TOPAZ1: variants seen among roughly 807,000 people sequenced by gnomAD.
TOPAZ1 encodes protein TOPAZ1.
Under a neutral mutation model 172.2 loss-of-function variants are expected in TOPAZ1, and 66 were observed. That is an observed-to-expected ratio of 0.38 (90% CI 0.31 to 0.47). TOPAZ1 has a LOEUF of 0.47. Among genes scored for constraint, TOPAZ1 ranks in the 20% least tolerant of loss-of-function variants. The pLI, the probability that TOPAZ1 is intolerant of heterozygous loss-of-function variation, is 0.99. For synonymous variants in TOPAZ1, 681 were observed against 683.9 expected (o/e 1.00, Z 0.07); for missense variants, 1,822 against 1,972.4 (o/e 0.92, Z 1.44).
intron 7 of TOPAZ1, among the ~76,000 whole-genome samples, chr3:44,269,900 G>A (rs9874132): frequency 0.83 from 125,808 of 151,938 alleles, 52,138 homozygotes; most frequent in Middle Eastern, 0.9. Flanking sequence ...AAAGGATTAC[G>A]GGCGTGAGCC....
Position 44,244,018 on chromosome 3 carries a change from C to T in TOPAZ1, c.1512C>T (p.Ala504=). ...WPYYSCARIS[A]WCWKKASLPE... is the part of the protein sequence containing the mutation. ...ATTATTCATGTGCTAGAATATCTGC[C>T]TGGTGTTGGAAAAAGGCTTCCTTGC... The change falls in exon 2 of 20, where the codon GCC becomes GCT. Residue 504 remains alanine (A), a synonymous_variant. Coordinates refer to ENST00000309765, the MANE Select transcript of TOPAZ1 (RefSeq NM_001145030.2). The T allele has an allele frequency of 6.4e-7, 1 of 1,552,080 alleles. No individual in the cohort carries two copies. The highest frequency in any genetic ancestry group is 8.7e-7 in the Non-Finnish European group (1 of 1,147,056).
At chr3:44,310,340 A>G (rs553557005) in intron 16 of TOPAZ1, among the ~76,000 whole-genome samples, 3 of 152,252 alleles carry the variant, frequency 2.0e-5, no homozygotes, top group South Asian at 2.1e-4. Context: ...CTCTACTAAA[A>G]GTACAAAAAT....
chr3:44,257,352 GGTGTGTGTGTGTGTGTGT>G (rs59827431), intron 4 of TOPAZ1, among the ~76,000 whole-genome samples: 9,797 of 110,270 alleles, frequency 0.089, 488 homozygotes, highest in Middle Eastern at 0.18. Flanking sequence ...AAAACATAGG[GGTGTGTGTGTGTGTGTGT>G]GTGTGTGTGT....
At chr3:44,289,030 G>C (rs1700107762) in intron 11 of TOPAZ1, among the ~76,000 whole-genome samples, 1 of 152,150 alleles carries the variant, frequency 6.6e-6, no homozygotes, top group African/African-American at 2.4e-5. Context: ...AAATATCACT[G>C]AGAAAAGATA....
chr3:44,269,129 C>A, intron 6 of TOPAZ1, 87 bp from the exon 7 acceptor site: 1 of 760,070 alleles, frequency 1.3e-6, no homozygotes, highest in Non-Finnish European at 2.3e-6. Context: ...AACTTTAAAG[C>A]AGATAGTAGT....
chr3:44,315,200 C>CATGTGTGTGTGTGTGT (rs1255094658), intron 16 of TOPAZ1, among the ~76,000 whole-genome samples: 3 of 150,096 alleles, frequency 2.0e-5, no homozygotes, highest in African/African-American at 7.4e-5. Flanking sequence ...TTTGAAAGAA[C>CATGTGTGTGTGTGTGT]GTGTGTGTGT....
rs189944135 is a variant in TOPAZ1, at chr3:44,305,675, G to A, written c.4039+354G>A. Among the ~76,000 whole-genome samples, 57 of 151,946 alleles carry A rather than the reference G, an allele frequency of 3.8e-4. 1 individual carries two copies. Among genetic ancestry groups the A allele is most frequent in the African/African-American group, 1.3e-3 (52 of 41,462 alleles). Reference sequence around the variant, plus strand: ...ATAAGTCACAGCTCGGCCAGTGGCAGTGTTCTTAACAAGAATGTAAAACTA... The same window carrying A: ...ATAAGTCACAGCTCGGCCAGTGGCAATGTTCTTAACAAGAATGTAAAACTA... On this transcript the variant is annotated intron_variant, in intron 14 of 19. Transcript: ENST00000309765.
chr3:44,284,815 A>G (rs1700060540), intron 9 of TOPAZ1, among the ~76,000 whole-genome samples: 1 of 152,230 alleles, frequency 6.6e-6, no homozygotes, highest in Non-Finnish European at 1.5e-5. Context: ...TTTCTTTTAA[A>G]TCAGATTTTT....
Position 44,318,454 on chromosome 3 carries a change from AAAAAC to A in TOPAZ1, c.4307-2562_4307-2558del, listed in dbSNP as rs547847352. On this transcript the variant is annotated intron_variant, in intron 16 of 19. Transcript: ENST00000309765. The stretch of plus-strand genomic sequence containing the variant: ...GTGACAGACTGAGACTCCATCTCAA[AAAAAC>A]AAAACAAAACCCTACTGAGGGCCAC... Among the ~76,000 whole-genome samples, 1,076 of 150,746 alleles carry A rather than the reference AAAAAC, an allele frequency of 7.1e-3. 19 individuals carry two copies. Among genetic ancestry groups the A allele is most frequent in the African/African-American group, 0.024 (989 of 40,810 alleles).
intron 8 of TOPAZ1, 42 bp downstream of exon 8, chr3:44,270,852 A>G (rs1409034359): frequency 6.7e-7 from 1 of 1,496,178 alleles, no homozygotes; most frequent in South Asian, 1.4e-5. Flanking sequence ...TGTTTTAATA[A>G]CTATCTCAGT....
chr3:44,272,422 T>G (rs965948230), intron 8 of TOPAZ1, among the ~76,000 whole-genome samples: 1 of 152,242 alleles, frequency 6.6e-6, no homozygotes, highest in African/African-American at 2.4e-5. Flanking sequence ...TTGTTTGTCT[T>G]TTTGATAATA....
At chr3:44,324,066 T>G (rs946996525) in intron 18 of TOPAZ1, among the ~76,000 whole-genome samples, 5 of 152,140 alleles carry the variant, frequency 3.3e-5, no homozygotes, top group African/African-American at 1.2e-4. Flanking sequence ...GCTGGAAGTG[T>G]TTTTCAGGTG....
At chr3:44,256,964 A>C (rs1021403423) in intron 4 of TOPAZ1, among the ~76,000 whole-genome samples, 3 of 151,978 alleles carry the variant, frequency 2.0e-5, no homozygotes, top group Non-Finnish European at 4.4e-5. Flanking sequence ...TTGATCTTTT[A>C]CTTCCACTAT....
chr3:44,303,082 C>T (rs1015381299), intron 12 of TOPAZ1, among the ~76,000 whole-genome samples: 3 of 152,220 alleles, frequency 2.0e-5, no homozygotes, highest in Admixed American at 6.5e-5. Flanking sequence ...ATCTGCCCAA[C>T]TCGGCCTTCC....
intron 12 of TOPAZ1, among the ~76,000 whole-genome samples, chr3:44,298,909 A>ATATATATATATATATT (rs1287571186): frequency 4.8e-5 from 2 of 41,312 alleles, no homozygotes; most frequent in African/African-American, 7.7e-5. Flanking sequence ...ATATATATAT[A>ATATATATATATATATT]TTTTTTTTTT....
chr3:44,294,401 C>T (rs915856022), intron 12 of TOPAZ1, among the ~76,000 whole-genome samples: 2 of 152,096 alleles, frequency 1.3e-5, no homozygotes, highest in African/African-American at 4.8e-5. Context: ...AGCATGTGAA[C>T]CCAGCTCCAA....
At chr3:44,312,577 G>A (rs555481891) in intron 16 of TOPAZ1, among the ~76,000 whole-genome samples, 54 of 152,218 alleles carry the variant, frequency 3.5e-4, no homozygotes, top group Admixed American at 1.0e-3. Flanking sequence ...ATTTGATGGC[G>A]AGAACAAATC....
chr3:44,296,268 A>T (rs1036001451), intron 12 of TOPAZ1, among the ~76,000 whole-genome samples: 2 of 152,210 alleles, frequency 1.3e-5, no homozygotes, highest in Non-Finnish European at 2.9e-5. Flanking sequence ...CAAAACAAGG[A>T]AAAATAAGAG....
At chr3:44,297,903 A>G (rs975515357) in intron 12 of TOPAZ1, among the ~76,000 whole-genome samples, 1 of 152,250 alleles carries the variant, frequency 6.6e-6, no homozygotes, top group Middle Eastern at 3.2e-3. Context: ...AACAAAAATT[A>G]GTAAAAATCT....
Sources: allele counts gnomAD v4.1 joint callset (sites outside exome capture counted in the v4.1 genomes callset), GRCh38; gene constraint gnomAD v4.1.1; transcripts MANE v1.5; gene names NCBI Gene and HGNC (gene_info 2026-07-23, HGNC 2026-07-21).